Variants in SH3GL3 observed in about 807,000 individuals in gnomAD.
SH3GL3 encodes endophilin-A3.
Under a neutral mutation model 47.7 loss-of-function variants are expected in SH3GL3, and 33 were observed. That is an observed-to-expected ratio of 0.69 (90% CI 0.52 to 0.92). The LOEUF (loss-of-function observed/expected upper bound fraction) is 0.92, where lower values mean the gene tolerates loss of function less well. SH3GL3 is among the 40% of genes least tolerant of loss of function. SH3GL3 has a pLI of 0.00. For missense variants in SH3GL3, 363 were observed against 417.8 expected, an observed-to-expected ratio of 0.87 and a Z score of 1.14; for synonymous variants, 155 against 148.8, an observed-to-expected ratio of 1.04 and a Z score of -0.30.
the SH3GL3 span, among the ~76,000 whole-genome samples, chr15:83,630,298 A>G: frequency 2.6e-5 from 4 of 152,226 alleles, no homozygotes; most frequent in African/African-American, 7.2e-5. Context: ...TTAGGCCATA[A>G]AAAGCACTAA....
chr15:83,600,037 T>G (rs898224945), intron 8 of SH3GL3, among the ~76,000 whole-genome samples: 1 of 27,878 alleles, frequency 3.6e-5, no homozygotes, highest in African/African-American at 1.4e-4. Context: ...TAGATGGGAT[T>G]GTTTGTTTTT....
intron 8 of SH3GL3, among the ~76,000 whole-genome samples, chr15:83,606,746 C>T (rs185002893): frequency 2.8e-4 from 43 of 152,272 alleles, no homozygotes; most frequent in African/African-American, 8.7e-4. Flanking sequence ...TTCTTAGCAC[C>T]TCTAGACCGA....
At chr15:83,542,448 A>G (rs540324624) in intron 1 of SH3GL3, among the ~76,000 whole-genome samples, 1 of 152,270 alleles carries the variant, frequency 6.6e-6, no homozygotes, top group Admixed American at 6.5e-5. Flanking sequence ...GGCTTTGGCT[A>G]TTCTGGGTCT....
At chr15:83,524,969 G>A (rs1262251627) in intron 1 of SH3GL3, among the ~76,000 whole-genome samples, 1 of 152,070 alleles carries the variant, frequency 6.6e-6, no homozygotes, top group Non-Finnish European at 1.5e-5. Flanking sequence ...CAGTAAACAT[G>A]GGAGTGCATG....
At chr15:83,595,585 A>G (rs1193329899) in intron 8 of SH3GL3, among the ~76,000 whole-genome samples, 2 of 148,532 alleles carry the variant, frequency 1.3e-5, no homozygotes, top group Non-Finnish European at 3.0e-5. Context: ...TGGCTGAGGC[A>G]GTATTTGTCA....
At chr15:83,539,418 A>G (rs2151696972) in intron 1 of SH3GL3, among the ~76,000 whole-genome samples, 1 of 152,302 alleles carries the variant, frequency 6.6e-6, no homozygotes, top group South Asian at 2.1e-4. Context: ...TAATACCTCC[A>G]TGGCCTATCA....
At position 83,457,230 on chromosome 15, in the gene SH3GL3, G is replaced by T. The variant is rs548542450; in HGVS notation, c.45+9652G>T. 2.6e-5 allele frequency among the ~76,000 whole-genome samples: 4 copies of T among 152,240 alleles called. No homozygotes were observed. In the East Asian group the frequency reaches 5.8e-4, roughly 22 times the overall value. Reference sequence around the variant, plus strand: ...GTTCTGCATCCCATAAAAGTCCAGGGACCAGTTTCATCTCTTCTCCTCCTC... The same window carrying T: ...GTTCTGCATCCCATAAAAGTCCAGGTACCAGTTTCATCTCTTCTCCTCCTC... On this transcript the variant is annotated intron_variant, in intron 1 of 8. Transcript: ENST00000427482.
chr15:83,529,529 AG>A (rs2043571998), intron 1 of SH3GL3, among the ~76,000 whole-genome samples: 1 of 151,988 alleles, frequency 6.6e-6, no homozygotes, highest in African/African-American at 2.4e-5. Flanking sequence ...AGTGATCCGC[AG>A]GCCCCTGGGT....
chr15:83,549,666 G>T (rs2044565858), intron 1 of SH3GL3, among the ~76,000 whole-genome samples: 1 of 152,158 alleles, frequency 6.6e-6, no homozygotes, highest in Non-Finnish European at 1.5e-5. Flanking sequence ...TGTGTATTCA[G>T]CTTAGGAAAT....
At chr15:83,517,488 G>A (rs2043034375) in intron 1 of SH3GL3, among the ~76,000 whole-genome samples, 1 of 151,976 alleles carries the variant, frequency 6.6e-6, no homozygotes, top group Non-Finnish European at 1.5e-5. Flanking sequence ...TTACAGGCGT[G>A]AGCCACCATG....
chr15:83,484,379 C>T (rs2151563939), intron 1 of SH3GL3, among the ~76,000 whole-genome samples: 1 of 152,232 alleles, frequency 6.6e-6, no homozygotes, highest in South Asian at 2.1e-4. Flanking sequence ...TGCTTTCAGT[C>T]CTGTCTTTAC....
At chr15:83,628,920 A>G in the SH3GL3 span, among the ~76,000 whole-genome samples, 1 of 152,164 alleles carries the variant, frequency 6.6e-6, no homozygotes, top group Non-Finnish European at 1.5e-5. Context: ...ACATACAAAA[A>G]TCAATTATGT....
intron 1 of SH3GL3, among the ~76,000 whole-genome samples, chr15:83,483,276 C>T (rs945290131): frequency 6.6e-6 from 1 of 152,130 alleles, no homozygotes; most frequent in South Asian, 2.1e-4. Context: ...GGGCCTTGCT[C>T]TAGACCAGTG....
At chr15:83,483,354 A>G (rs2041455104) in intron 1 of SH3GL3, among the ~76,000 whole-genome samples, 1 of 152,162 alleles carries the variant, frequency 6.6e-6, no homozygotes. Flanking sequence ...TATGATAGCC[A>G]CTCACCATGC....
At chr15:83,488,483 T>C (rs2041711655) in intron 1 of SH3GL3, among the ~76,000 whole-genome samples, 1 of 152,222 alleles carries the variant, frequency 6.6e-6, no homozygotes, top group African/African-American at 2.4e-5. Context: ...GGAGGAGCAG[T>C]CCGTGGAGTC....
the SH3GL3 span, among the ~76,000 whole-genome samples, chr15:83,627,396 C>CAAA: frequency 2.7e-5 from 2 of 75,338 alleles, no homozygotes; most frequent in Middle Eastern, 7.0e-3. Flanking sequence ...GATGCCGTCT[C>CAAA]AAAAAAAAAA....
At chr15:83,479,816 C>G (rs1364621553) in intron 1 of SH3GL3, among the ~76,000 whole-genome samples, 1 of 152,114 alleles carries the variant, frequency 6.6e-6, no homozygotes, top group African/African-American at 2.4e-5. Flanking sequence ...TGCCACCTAC[C>G]AGCTCTGTGA....
At chr15:83,547,459 A>C (rs1428269130) in intron 1 of SH3GL3, among the ~76,000 whole-genome samples, 1 of 152,214 alleles carries the variant, frequency 6.6e-6, no homozygotes, top group African/African-American at 2.4e-5. Context: ...GAGGAGGAGT[A>C]GTGTCGGCAA....
rs1316437843 is a variant in SH3GL3 at position 83,447,928 on chromosome 15, T to C, written c.45+350T>C. ...GCGAGGGGAGGACGACCACAGGGAG[T>C]ACGATGCCGGCAGGGCCTCCCCCGA... On this transcript the variant is annotated intron_variant, in intron 1 of 8. Coordinates refer to ENST00000427482, the MANE Select transcript of SH3GL3 (RefSeq NM_003027.5). This position sits in a 1 kb window ranked among gnomAD's most constrained non-coding sequence, Gnocchi z 5.1. 6.6e-6 allele frequency among the ~76,000 whole-genome samples: 1 copy of C among 151,518 alleles called. No individual in the cohort carries two copies. The highest frequency in any genetic ancestry group is 1.5e-5 in the Non-Finnish European group (1 of 67,878).
Sources: gnomAD v4.1 joint callset for allele counts (sites outside exome capture counted in the v4.1 genomes callset) on GRCh38, gnomAD v4.1.1 for gene constraint, Gnocchi (gnomAD v3.1) non-coding constraint, MANE v1.5 for transcripts, NCBI Gene and HGNC (gene_info 2026-07-23, HGNC 2026-07-21) for gene names.